Variants in TMEM41B observed in about 807,000 individuals in gnomAD.
TMEM41B encodes protein stasimon.
TMEM41B carries 18 observed loss-of-function variants against 31.9 expected under a neutral mutation model. The observed-to-expected ratio is 0.56, with a 90% CI of 0.39 to 0.84. The LOEUF (loss-of-function observed/expected upper bound fraction) is 0.84. Ranked by LOEUF, TMEM41B falls within the 40% of genes least tolerant of loss-of-function variation. TMEM41B has a pLI of 0.00. For missense variants in TMEM41B, 322 were observed against 348.0 expected (o/e 0.93, Z 0.59); for synonymous variants, 144 against 124.3 (o/e 1.16, Z -1.05).
chr11:9,299,321 T>TACACACACACACACACACACACAC (rs1303303364), intron 2 of TMEM41B, among the ~76,000 whole-genome samples: 4 of 10,528 alleles, frequency 3.8e-4, no homozygotes, highest in East Asian at 4.1e-3. Context: ...TATATATACA[T>TACACACACACACACACACACACAC]ACATACACAC....
chr11:9,299,987 T>C (rs889347073), intron 1 of TMEM41B, among the ~76,000 whole-genome samples: 6 of 151,996 alleles, frequency 3.9e-5, no homozygotes, highest in Non-Finnish European at 8.8e-5. Flanking sequence ...GGCATGGTGG[T>C]GCATGCCTGT....
In TMEM41B at chr11:9,288,503, A is replaced by T; in HGVS notation, c.401T>A (p.Phe134Tyr). The T allele has an allele frequency of 6.3e-7, 1 of 1,594,178 alleles. No homozygotes were observed. Among genetic ancestry groups the T allele is most frequent in the Non-Finnish European group, 8.5e-7 (1 of 1,172,282 alleles). Residue 134 changes from phenylalanine to tyrosine, a missense_variant, in exon 4 of 7, where the codon TTT (phenylalanine) becomes TAT (tyrosine). This residue lies in a region of TMEM41B where 183 missense variants were observed against 175.3 expected (regional missense o/e 1.04). Coordinates refer to ENST00000528080, the MANE Select transcript of TMEM41B (RefSeq NM_015012.4). ...LQTFAIPGSI[F>Y]LSILSGFLYP... ...AAGAAACCCTGAGAGTATACTGAGA[A>T]ATATAGAGCCTGGAATAGCAAATGT...
chr11:9,280,888 C>T lies in TMEM41B; in HGVS notation c.*2536G>A, dbSNP rs1852705131. The T allele has an allele frequency of 6.6e-6, 1 of 152,168 alleles. No homozygotes were observed. The highest frequency in any genetic ancestry group is 1.5e-5 in the Non-Finnish European group (1 of 68,042). The allele number at this position is 152,168 out of a possible 1,614,324, so 9.4% of individuals were successfully genotyped here. On this transcript the variant is annotated 3_prime_UTR_variant, in exon 7 of 7. Transcript: ENST00000528080. ...CCAAAGCTTGAATTTACATGGGCAT[C>T]AGGCCAAGTCTGTAAATCCGTGAAG...
chr11:9,312,297 C>T (rs558988779), intron 1 of TMEM41B, among the ~76,000 whole-genome samples: 3 of 152,154 alleles, frequency 2.0e-5, no homozygotes, highest in African/African-American at 4.8e-5. Flanking sequence ...GGCAGGAAGA[C>T]GCTTGAGCCC....
intron 1 of TMEM41B, among the ~76,000 whole-genome samples, chr11:9,305,339 CTGTAATCGCAGCACT>C (rs2133643124): frequency 6.6e-6 from 1 of 152,228 alleles, no homozygotes; most frequent in South Asian, 2.1e-4. Flanking sequence ...TGGCTCACTC[CTGTAATCGCAGCACT>C]TTGGAAGGCC....
At chr11:9,305,914 T>C (rs139798854) in intron 1 of TMEM41B, among the ~76,000 whole-genome samples, 235 of 152,072 alleles carry the variant, frequency 1.5e-3, no homozygotes, top group African/African-American at 3.3e-3. Context: ...ATTTATAATG[T>C]GCCTTATGGC....
chr11:9,313,064 G>A (rs1853601367), intron 1 of TMEM41B, among the ~76,000 whole-genome samples: 1 of 152,156 alleles, frequency 6.6e-6, no homozygotes, highest in Non-Finnish European at 1.5e-5. Context: ...CAAATGAGAT[G>A]TCAATTTTTA....
intron 3 of TMEM41B, among the ~76,000 whole-genome samples, chr11:9,293,269 A>AT (rs1163389520): frequency 6.6e-6 from 1 of 152,054 alleles, no homozygotes; most frequent in Admixed American, 6.6e-5. Context: ...CATCCAGCTA[A>AT]TTTTTGTATT....
chr11:9,310,044 A>AT lies in TMEM41B; in HGVS notation c.121+4276dup, dbSNP rs1216955051. ...CAAGTAATGTATTATTATTATTATT[A>AT]TTTTTTTTTGAGATGGAGTCTCACT... On this transcript the variant is annotated intron_variant, in intron 1 of 6. Transcript: ENST00000528080. Among the ~76,000 whole-genome samples, 740 of 149,078 alleles carry AT rather than the reference A, an allele frequency of 5.0e-3. 12 individuals carry two copies. The highest frequency in any genetic ancestry group is 0.017 in the African/African-American group (683 of 40,508).
At position 9,295,365 on chromosome 11, in the gene TMEM41B, C is replaced by A. The variant is rs369268419; in HGVS notation, c.262G>T (p.Val88Phe). ...TTGGCATCATCCATATCTCTGGGAA[C>A]CTTCATATTCACTCTTTCTTCTCTG... ...LSEEERVNMK[V>F]PRDMDDAKAL... is the part of the protein sequence containing the mutation. Residue 88 changes from valine to phenylalanine, a missense_variant, in exon 3 of 7, where the codon GTT becomes TTT. This residue lies in a region of TMEM41B where 183 missense variants were observed against 175.3 expected (regional missense o/e 1.04). Transcript: ENST00000528080. The A allele has an allele frequency of 3.2e-6, 5 of 1,584,822 alleles. No homozygotes were observed. Among genetic ancestry groups the A allele is most frequent in the Non-Finnish European group, 4.3e-6 (5 of 1,167,752 alleles).
chr11:9,297,146 G>A (rs977910290), intron 2 of TMEM41B, among the ~76,000 whole-genome samples: 14 of 152,070 alleles, frequency 9.2e-5, no homozygotes, highest in Non-Finnish European at 1.8e-4. Flanking sequence ...GTGCAGTGGC[G>A]TGATCTCGGC....
chr11:9,287,405 G>C (rs1461222990), intron 5 of TMEM41B, among the ~76,000 whole-genome samples: 1 of 152,158 alleles, frequency 6.6e-6, no homozygotes, highest in Non-Finnish European at 1.5e-5. Context: ...AAACAGATAG[G>C]TATCTAATTA....
chr11:9,307,604 G>A (rs775390849), intron 1 of TMEM41B, among the ~76,000 whole-genome samples: 1 of 147,606 alleles, frequency 6.8e-6, no homozygotes, highest in Non-Finnish European at 1.5e-5. Context: ...CACCACGTCC[G>A]GCTAATTTTG....
chr11:9,291,457 A>G (rs1852957681), intron 3 of TMEM41B, among the ~76,000 whole-genome samples: 1 of 151,224 alleles, frequency 6.6e-6, no homozygotes, highest in Admixed American at 6.6e-5. Context: ...GCTGGAGTGC[A>G]GTGGCATGAT....
At position 9,281,603 on chromosome 11, in the gene TMEM41B, GAGTACTT is replaced by G. The variant is rs1852720822; in HGVS notation, c.*1814_*1820del. On this transcript the variant is annotated 3_prime_UTR_variant, in exon 7 of 7. Transcript: ENST00000528080. ...GTCATGGGTGAAGGTAAAACTGACA[GAGTACTT>G]TAGATCAGCTATGTCCTACAGTCAA... 1 of 152,230 alleles carries G rather than the reference GAGTACTT, an allele frequency of 6.6e-6. No homozygotes were observed. Among genetic ancestry groups the G allele is most frequent in the African/African-American group, 2.4e-5 (1 of 41,472 alleles). 9.4% of individuals were successfully genotyped at this position (152,230 alleles called of 1,614,324 possible). A position where few individuals can be genotyped will look rare whatever the true frequency, so the allele number is the denominator to read the frequency against.
intron 1 of TMEM41B, among the ~76,000 whole-genome samples, chr11:9,310,282 C>G (rs1853524614): frequency 6.6e-6 from 1 of 152,036 alleles, no homozygotes; most frequent in Non-Finnish European, 1.5e-5. Flanking sequence ...GTTCCGCCCG[C>G]CTCGGCCTCC....
intron 1 of TMEM41B, among the ~76,000 whole-genome samples, chr11:9,303,397 AC>A: frequency 6.6e-6 from 1 of 151,988 alleles, no homozygotes; most frequent in East Asian, 1.9e-4. Flanking sequence ...ACCTCGGCCT[AC>A]CAAAGTGCAG....
chr11:9,309,922 CA>C (rs768075212), intron 1 of TMEM41B, among the ~76,000 whole-genome samples: 20 of 110,186 alleles, frequency 1.8e-4, no homozygotes, highest in Non-Finnish European at 1.7e-4. Flanking sequence ...GACTCCATCT[CA>C]AAAAAAAAAA....
In TMEM41B at chr11:9,306,599, C is replaced by G. The variant is rs139964872; in HGVS notation, c.122-6898G>C. 7.9e-3 allele frequency among the ~76,000 whole-genome samples: 1,206 copies of G among 152,074 alleles called. 14 individuals are homozygous for G. Among genetic ancestry groups the G allele is most frequent in the African/African-American group, 0.028 (1,156 of 41,512 alleles). Reference sequence around the variant, plus strand: ...TACTCAGGATGCTGAGGCAGGAAATCGGCATTAACCCGGGAGGCGGAGCTT... The same window carrying G: ...TACTCAGGATGCTGAGGCAGGAAATGGGCATTAACCCGGGAGGCGGAGCTT... On this transcript the variant is annotated intron_variant, in intron 1 of 6. Coordinates refer to ENST00000528080, the MANE Select transcript of TMEM41B (RefSeq NM_015012.4).
Sources: gnomAD v4.1 joint callset for allele counts (sites outside exome capture counted in the v4.1 genomes callset) on GRCh38, gnomAD v4.1.1 for gene constraint, gnomAD v4.1.1 regional missense constraint, MANE v1.5 for transcripts, NCBI Gene and HGNC (gene_info 2026-07-23, HGNC 2026-07-21) for gene names.